Variants in ANKS1A observed in about 807,000 individuals in gnomAD.
ANKS1A encodes the protein ankyrin repeat and SAM domain-containing protein 1A.
A neutral mutation model predicts 120.3 loss-of-function variants in ANKS1A; 55 were observed. The observed-to-expected ratio is 0.46, with a 90% CI of 0.37 to 0.57. The LOEUF is 0.57. Ranked by LOEUF, ANKS1A falls within the 20% of genes least tolerant of loss-of-function variation. The probability of loss-of-function intolerance (pLI) is 0.00; values close to 1 mark genes in which losing one functional copy is unlikely to be tolerated. For missense variants in ANKS1A, 1,123 were observed against 1,480.3 expected (o/e 0.76, Z 3.96); for synonymous variants, 590 against 604.7 (o/e 0.98, Z 0.36).
chr6:35,083,108 A>G (rs778435742), intron 18 of ANKS1A, 47 bp from the exon 19 acceptor site: 3 of 1,607,720 alleles, frequency 1.9e-6, no homozygotes, highest in South Asian at 1.1e-5. Context: ...TCACCCCTGC[A>G]TGGAAACGCA....
chr6:35,009,088 T>G (rs1347034340), intron 10 of ANKS1A, among the ~76,000 whole-genome samples: 1 of 152,132 alleles, frequency 6.6e-6, no homozygotes, highest in Non-Finnish European at 1.5e-5. Context: ...TGTTGAGGCT[T>G]TTTGAATCCG....
intron 8 of ANKS1A, 126 bp from the exon 9 acceptor site, chr6:34,989,098 C>A (rs1772374701): frequency 2.8e-6 from 2 of 726,456 alleles, no homozygotes; most frequent in South Asian, 3.7e-5. Context: ...GAAACCTTGA[C>A]TTTAGTCTCT....
rs776028064 is a variant in ANKS1A at position 34,967,228 on chromosome 6, T to C, written c.198-11T>C. On this transcript the variant is annotated splice_polypyrimidine_tract_variant and intron_variant, in intron 1 of 23. Coordinates refer to ENST00000360359, the MANE Select transcript of ANKS1A (RefSeq NM_015245.3). ...AAATCTATGTCTCTCTCTTTTTTTT[T>C]TCCCTGATAGCATGTGGAGAGGGCC... The C allele has an allele frequency of 1.2e-6, 2 of 1,611,650 alleles. No individual in the cohort carries two copies. The highest frequency in any genetic ancestry group is 2.2e-5 in the East Asian group (1 of 44,868).
chr6:34,995,388 G>A (rs1267823274), intron 10 of ANKS1A, among the ~76,000 whole-genome samples: 1 of 150,968 alleles, frequency 6.6e-6, no homozygotes, highest in Non-Finnish European at 1.5e-5. Flanking sequence ...GTTTTGTTTT[G>A]TATTTTATGG....
At chr6:35,065,323 C>G (rs1476695905) in intron 13 of ANKS1A, among the ~76,000 whole-genome samples, 1 of 152,188 alleles carries the variant, frequency 6.6e-6, no homozygotes, top group Non-Finnish European at 1.5e-5. Context: ...CTCCAGTCCC[C>G]TTTACAGTAG....
intron 1 of ANKS1A, among the ~76,000 whole-genome samples, chr6:34,892,186 A>G (rs919059709): frequency 1.3e-5 from 2 of 152,188 alleles, no homozygotes; most frequent in South Asian, 4.1e-4. Flanking sequence ...TAGCTTCCCA[A>G]CCTCTCATTC....
At chr6:34,900,395 C>A (rs1250056409) in intron 1 of ANKS1A, among the ~76,000 whole-genome samples, 2 of 152,010 alleles carry the variant, frequency 1.3e-5, no homozygotes, top group Non-Finnish European at 2.9e-5. Flanking sequence ...TCATGCTATA[C>A]CCTTCTAAGC....
downstream of ANKS1A, among the ~76,000 whole-genome samples, chr6:35,094,464 G>C (rs1778399950): frequency 6.7e-6 from 1 of 150,146 alleles, no homozygotes; most frequent in African/African-American, 2.4e-5. Context: ...AAAGATATCA[G>C]CACCAAGATG....
intron 10 of ANKS1A, chr6:35,005,689 A>AT (rs1773410513): frequency 4.6e-6 from 2 of 437,138 alleles, no homozygotes; most frequent in Non-Finnish European, 9.0e-6. Context: ...ATGAATTTGT[A>AT]TTTTTTTAAA....
At chr6:34,967,453 C>G in intron 2 of ANKS1A, 134 bp downstream of exon 2, 2 of 682,422 alleles carry the variant, frequency 2.9e-6, no homozygotes, top group Non-Finnish European at 4.6e-6. Flanking sequence ...TTTGGGAGGC[C>G]GAGGTGGGAG....
intron 1 of ANKS1A, among the ~76,000 whole-genome samples, chr6:34,921,545 G>T (rs1768434478): frequency 6.6e-6 from 1 of 152,166 alleles, no homozygotes; most frequent in Admixed American, 6.5e-5. Flanking sequence ...AAATGACACA[G>T]TCTCAGATGA....
chr6:34,985,878 G>A (rs1380968668), intron 8 of ANKS1A, among the ~76,000 whole-genome samples: 3 of 152,154 alleles, frequency 2.0e-5, no homozygotes, highest in Admixed American at 2.0e-4. Context: ...TCCTTCTCAA[G>A]GTCCATTTTC....
intron 17 of ANKS1A, among the ~76,000 whole-genome samples, chr6:35,081,709 T>C (rs529421747): frequency 6.6e-6 from 1 of 152,320 alleles, no homozygotes; most frequent in Non-Finnish European, 1.5e-5. Context: ...CCTCCTCCGC[T>C]CCCGGTGCCC....
At chr6:35,062,793 T>C (rs1776578489) in intron 13 of ANKS1A, among the ~76,000 whole-genome samples, 1 of 152,232 alleles carries the variant, frequency 6.6e-6, no homozygotes, top group Non-Finnish European at 1.5e-5. Flanking sequence ...ATGATGGTTT[T>C]TTAGTGACAA....
At chr6:34,902,310 G>T (rs1300740444) in intron 1 of ANKS1A, among the ~76,000 whole-genome samples, 1 of 151,754 alleles carries the variant, frequency 6.6e-6, no homozygotes, top group African/African-American at 2.4e-5. Flanking sequence ...AGTGCAATGC[G>T]TGATCTCGGC....
intron 1 of ANKS1A, among the ~76,000 whole-genome samples, chr6:34,914,566 G>A (rs1449405070): frequency 6.6e-6 from 1 of 152,142 alleles, no homozygotes; most frequent in Non-Finnish European, 1.5e-5. Context: ...AAAATTCTTA[G>A]CTAATACTGA....
At chr6:35,047,541 T>C (rs947636028) in intron 11 of ANKS1A, among the ~76,000 whole-genome samples, 1 of 152,180 alleles carries the variant, frequency 6.6e-6, no homozygotes, top group Non-Finnish European at 1.5e-5. Flanking sequence ...GTGTACTTCC[T>C]CCTCACCCCT....
intron 1 of ANKS1A, among the ~76,000 whole-genome samples, chr6:34,961,620 C>G (rs978184243): frequency 6.6e-6 from 1 of 152,082 alleles, no homozygotes; most frequent in African/African-American, 2.4e-5. Context: ...AGTTAGAAAA[C>G]GATGAAAGGC....
Position 34,941,388 on chromosome 6 carries a change from G to A in ANKS1A, c.198-25851G>A, listed in dbSNP as rs1046295926. Among the ~76,000 whole-genome samples, 12 of 150,854 alleles carry A rather than the reference G, an allele frequency of 8.0e-5. No individual in the cohort carries two copies. The East Asian group carries it at 1.4e-3, about 17-fold the overall frequency. The stretch of plus-strand genomic sequence containing the variant: ...CATAATCCACAACTTGGCTTTTTCC[G>A]TTTTTTTTCCTCTGCTGTGTCTCTA... On this transcript the variant is annotated intron_variant, in intron 1 of 23. Coordinates refer to ENST00000360359, the MANE Select transcript of ANKS1A (RefSeq NM_015245.3).
Sources: allele counts gnomAD v4.1 joint callset (sites outside exome capture counted in the v4.1 genomes callset), GRCh38; gene constraint gnomAD v4.1.1; transcripts MANE v1.5; gene names NCBI Gene and HGNC (gene_info 2026-07-23, HGNC 2026-07-21).